CSMD3: variants seen among roughly 807,000 people sequenced by gnomAD.
The protein encoded by CSMD3 is CUB and Sushi multiple domains 3.
Under a neutral mutation model 435.2 loss-of-function variants are expected in CSMD3, and 177 were observed. That is an observed-to-expected ratio of 0.41 (90% CI 0.36 to 0.46). The LOEUF (loss-of-function observed/expected upper bound fraction) is 0.46. Among genes scored for constraint, CSMD3 ranks in the 20% least tolerant of loss-of-function variants. CSMD3 has a pLI of 0.34. For missense variants in CSMD3, 4,265 were observed against 4,504.6 expected (o/e 0.95, Z 1.52); for synonymous variants, 1,656 against 1,520.5 (o/e 1.09, Z -2.07).
chr8:112,827,059 C>A (rs1473902776), intron 12 of CSMD3, among the ~76,000 whole-genome samples: 3 of 149,932 alleles, frequency 2.0e-5, no homozygotes, highest in Non-Finnish European at 4.4e-5. Flanking sequence ...ACAGACCACT[C>A]CTCAATCCCA....
intron 35 of CSMD3, among the ~76,000 whole-genome samples, chr8:112,395,890 T>C (rs1366787250): frequency 6.6e-6 from 1 of 152,152 alleles, no homozygotes; most frequent in African/African-American, 2.4e-5. Flanking sequence ...TCAAGTCTAA[T>C]TTTTTTAAGT....
intron 1 of CSMD3, among the ~76,000 whole-genome samples, chr8:113,316,994 T>C (rs2093915475): frequency 6.6e-6 from 1 of 152,130 alleles, no homozygotes; most frequent in African/African-American, 2.4e-5. Context: ...TATGGCAAAG[T>C]CTTAAGCCTG....
chr8:112,312,255 G>C (rs1370799085), intron 49 of CSMD3, among the ~76,000 whole-genome samples: 1 of 151,940 alleles, frequency 6.6e-6, no homozygotes, highest in Non-Finnish European at 1.5e-5. Flanking sequence ...ATATAGTTCA[G>C]TTTTTTGGTT....
chr8:112,774,668 C>T (rs1025325084), intron 13 of CSMD3, among the ~76,000 whole-genome samples: 5 of 151,952 alleles, frequency 3.3e-5, no homozygotes, highest in East Asian at 1.9e-4. Context: ...ACTTTCACAC[C>T]TGTTTGGGCA....
intron 66 of CSMD3, among the ~76,000 whole-genome samples, chr8:112,238,707 T>C (rs1281956014): frequency 6.6e-6 from 1 of 151,742 alleles, no homozygotes; most frequent in African/African-American, 2.4e-5. Flanking sequence ...AAATTATAAA[T>C]TTTTAAATTT....
chr8:112,924,069 G>C (rs1439094017), intron 9 of CSMD3, among the ~76,000 whole-genome samples: 1 of 152,156 alleles, frequency 6.6e-6, no homozygotes, highest in Non-Finnish European at 1.5e-5. Context: ...GCAATTAGGG[G>C]TTGTGGTTAG....
chr8:112,924,859 G>A (rs975693946), intron 9 of CSMD3, among the ~76,000 whole-genome samples: 2 of 152,008 alleles, frequency 1.3e-5, no homozygotes, highest in African/African-American at 4.8e-5. Flanking sequence ...CTCGTCTGTT[G>A]TGATAAAGTA....
At chr8:112,870,923 A>G (rs2081118204) in intron 10 of CSMD3, among the ~76,000 whole-genome samples, 2 of 152,186 alleles carry the variant, frequency 1.3e-5, no homozygotes, top group South Asian at 4.1e-4. Context: ...CTGATGGAGA[A>G]AAGGAATTGT....
At chr8:112,721,619 T>C (rs1033745040) in intron 13 of CSMD3, among the ~76,000 whole-genome samples, 1 of 152,178 alleles carries the variant, frequency 6.6e-6, no homozygotes, top group African/African-American at 2.4e-5. Flanking sequence ...AGCTGTATTT[T>C]TGATCTACTA....
chr8:113,305,933 A>G (rs778889289), intron 2 of CSMD3, among the ~76,000 whole-genome samples: 40 of 152,176 alleles, frequency 2.6e-4, no homozygotes, highest in Non-Finnish European at 4.6e-4. Context: ...TACTAAACAC[A>G]ATATAATGGT....
At chr8:113,281,653 C>T (rs1050031557) in intron 2 of CSMD3, among the ~76,000 whole-genome samples, 1 of 151,944 alleles carries the variant, frequency 6.6e-6, no homozygotes, top group Non-Finnish European at 1.5e-5. Flanking sequence ...AGGCCATTTA[C>T]ATTCAATGTT....
At chr8:113,053,269 T>G (rs558404510) in intron 5 of CSMD3, among the ~76,000 whole-genome samples, 1 of 152,352 alleles carries the variant, frequency 6.6e-6, no homozygotes, top group East Asian at 1.9e-4. Context: ...AACATCCATC[T>G]GGTAGCCAGC....
chr8:112,633,778 A>G (rs561993241), intron 22 of CSMD3, among the ~76,000 whole-genome samples: 1 of 152,210 alleles, frequency 6.6e-6, no homozygotes, highest in Admixed American at 6.6e-5. Context: ...AACTAGCTTT[A>G]TCAGTTCCCT....
At chr8:112,811,831 A>T (rs1272216620) in intron 12 of CSMD3, among the ~76,000 whole-genome samples, 1 of 152,118 alleles carries the variant, frequency 6.6e-6, no homozygotes, top group African/African-American at 2.4e-5. Context: ...TTGATGTCTC[A>T]CTGAAAACCC....
intron 6 of CSMD3, among the ~76,000 whole-genome samples, chr8:112,996,993 C>T (rs188691486): frequency 4.6e-4 from 69 of 151,572 alleles, no homozygotes; most frequent in African/African-American, 1.6e-3. Flanking sequence ...ATCCCTACTT[C>T]GGTGATTATT....
intron 1 of CSMD3, among the ~76,000 whole-genome samples, chr8:113,322,633 A>C (rs1457484367): frequency 6.6e-6 from 1 of 152,184 alleles, no homozygotes; most frequent in African/African-American, 2.4e-5. Context: ...TAAACTGCTA[A>C]AATTTTGATT....
At chr8:112,672,853 T>C (rs1273169031) in intron 16 of CSMD3, among the ~76,000 whole-genome samples, 1 of 152,092 alleles carries the variant, frequency 6.6e-6, no homozygotes, top group East Asian at 1.9e-4. Flanking sequence ...CCACTGTGTT[T>C]TAAGACCTCG....
intron 22 of CSMD3, among the ~76,000 whole-genome samples, chr8:112,611,852 C>T (rs1761539871): frequency 6.6e-6 from 1 of 152,112 alleles, no homozygotes; most frequent in Non-Finnish European, 1.5e-5. Context: ...CGACATAAAT[C>T]TAAGCATGTA....
At chr8:113,267,164 T>C (rs774719861) in intron 3 of CSMD3, among the ~76,000 whole-genome samples, 4 of 151,728 alleles carry the variant, frequency 2.6e-5, no homozygotes, top group Non-Finnish European at 4.4e-5. Context: ...TGGGTACTAG[T>C]ACAGCCACTA....
Sources: gnomAD v4.1 joint callset for allele counts (sites outside exome capture counted in the v4.1 genomes callset) on GRCh38, gnomAD v4.1.1 for gene constraint, MANE v1.5 for transcripts, NCBI Gene and HGNC (gene_info 2026-07-23, HGNC 2026-07-21) for gene names.